The following KDELR2 variants were observed in gnomAD, a reference collection of about 807,000 sequenced individuals.
KDELR2 encodes KDEL endoplasmic reticulum protein retention receptor 2.
In KDELR2, 15 loss-of-function variants were observed where a neutral mutation model predicts 23.9. The ratio of observed to expected loss-of-function variants is 0.63; its 90% CI spans 0.42 to 0.97. The LOEUF is 0.97. Ranked by LOEUF, KDELR2 falls within the 50% of genes least tolerant of loss-of-function variation. The pLI is 0.00. For synonymous variants in KDELR2, 119 were observed against 106.2 expected (o/e 1.12, Z -0.74); for missense variants, 272 against 254.6 (o/e 1.07, Z -0.46).
chr7:6,464,631 G>A (rs1785461295), intron 4 of KDELR2, among the ~76,000 whole-genome samples: 1 of 152,062 alleles, frequency 6.6e-6, no homozygotes, highest in Non-Finnish European at 1.5e-5. Context: ...GGCAGAGGTT[G>A]CAGTGAGCTG....
In KDELR2 at chr7:6,462,379, CAGAT is replaced by C. The variant is rs1785407730; in HGVS notation, c.*758_*761del. On this transcript the variant is annotated 3_prime_UTR_variant, in exon 5 of 5. Transcript: ENST00000258739. ...ATGAACACCCCTCCCATCCCACACT[CAGAT>C]GGAAAGCAGCCAGAACCCCTGCCAC... is the stretch of plus-strand genomic sequence containing the variant. 6.5e-6 allele frequency: 1 copy of C among 152,752 alleles called. No homozygotes were observed. The highest frequency in any genetic ancestry group is 2.1e-4 in the South Asian group (1 of 4,846). 9.5% of individuals were successfully genotyped at this position (152,752 alleles called of 1,614,324 possible). A position where few individuals can be genotyped will look rare whatever the true frequency, so the allele number is the denominator to read the frequency against.
intron 2 of KDELR2, among the ~76,000 whole-genome samples, chr7:6,471,260 C>A (rs544155692): frequency 1.5e-4 from 19 of 127,530 alleles, no homozygotes; most frequent in Non-Finnish European, 2.7e-4. Flanking sequence ...CGGCTCACTG[C>A]AACCTCCGCC....
At chr7:6,482,626 T>C (rs1181763497) in intron 1 of KDELR2, 2 of 463,228 alleles carry the variant, frequency 4.3e-6, no homozygotes, top group South Asian at 1.6e-5. Flanking sequence ...AGTGTGACTT[T>C]AGACGCCAAA....
intron 2 of KDELR2, among the ~76,000 whole-genome samples, chr7:6,473,528 C>A (rs1274741722): frequency 2.0e-5 from 3 of 152,102 alleles, no homozygotes; most frequent in Non-Finnish European, 4.4e-5. Flanking sequence ...TAGTTATACA[C>A]TAGTTTTAAT....
chr7:6,472,059 C>A (rs1009133493), intron 2 of KDELR2, among the ~76,000 whole-genome samples: 1 of 152,274 alleles, frequency 6.6e-6, no homozygotes, highest in African/African-American at 2.4e-5. Flanking sequence ...TGCCGCCACA[C>A]CCAGCTAATT....
At chr7:6,482,580 C>T (rs971472228) in intron 1 of KDELR2, 6 of 470,652 alleles carry the variant, frequency 1.3e-5, no homozygotes, top group African/African-American at 1.2e-4. Flanking sequence ...TCCAAGGAGA[C>T]AGGCGAGGCC....
intron 1 of KDELR2, among the ~76,000 whole-genome samples, chr7:6,480,144 G>A (rs1253478099): frequency 2.0e-5 from 3 of 152,196 alleles, no homozygotes; most frequent in Non-Finnish European, 4.4e-5. Flanking sequence ...GCCCGGGGTC[G>A]TGGATCTCAG....
intron 2 of KDELR2, among the ~76,000 whole-genome samples, chr7:6,470,902 C>A (rs1785619323): frequency 6.6e-6 from 1 of 151,976 alleles, no homozygotes; most frequent in South Asian, 2.1e-4. Flanking sequence ...ATCATGAGGT[C>A]AGGAGATCGA....
At chr7:6,463,658 T>G (rs867430992) in intron 4 of KDELR2, among the ~76,000 whole-genome samples, 1 of 151,914 alleles carries the variant, frequency 6.6e-6, no homozygotes, top group South Asian at 2.1e-4. Flanking sequence ...GAGGATCACT[T>G]GAGCCCAGGA....
chr7:6,474,360 T>C (rs1354344376), intron 1 of KDELR2, 76 bp from the exon 2 acceptor site: 2 of 1,006,354 alleles, frequency 2.0e-6, no homozygotes, highest in Non-Finnish European at 1.6e-6. Context: ...GTGCAGGGAG[T>C]GCAGACAGGG....
At chr7:6,472,937 T>A (rs1203292979) in intron 2 of KDELR2, among the ~76,000 whole-genome samples, 1 of 146,842 alleles carries the variant, frequency 6.8e-6, no homozygotes, top group Non-Finnish European at 1.5e-5. Flanking sequence ...TCCTGCTCTG[T>A]CACCCAGGCT....
chr7:6,468,152 G>C (rs1785541340), intron 3 of KDELR2, among the ~76,000 whole-genome samples: 1 of 152,196 alleles, frequency 6.6e-6, no homozygotes, highest in Non-Finnish European at 1.5e-5. Flanking sequence ...ACAGTAAACT[G>C]TCAGCAGACA....
At chr7:6,469,141 A>G (rs1028346023) in intron 3 of KDELR2, among the ~76,000 whole-genome samples, 11 of 149,326 alleles carry the variant, frequency 7.4e-5, no homozygotes. Context: ...TTTAGTACAG[A>G]CGGGGTTTCA....
intron 4 of KDELR2, 107 bp from the exon 5 acceptor site, chr7:6,463,282 G>GT: frequency 1.2e-6 from 1 of 824,668 alleles, no homozygotes; most frequent in Non-Finnish European, 1.9e-6. Context: ...ATTCTACATA[G>GT]TAAGGTATAG....
In KDELR2 at chr7:6,464,787, G is replaced by C. The variant is rs529812136; in HGVS notation, c.604+1284C>G. 5.6e-5 allele frequency among the ~76,000 whole-genome samples: 8 copies of C among 143,778 alleles called. No individual in the cohort carries two copies. The South Asian group carries it at 1.7e-3, about 31-fold the overall frequency. 94.3% of individuals were successfully genotyped at this position (143,778 alleles called of 152,430 possible). Reference sequence around the variant, plus strand: ...TTTTGCTCTTGTTCCCTAGGCTGGAGTGCAATGGCGTGATATCAGCTCACT... The same window carrying C: ...TTTTGCTCTTGTTCCCTAGGCTGGACTGCAATGGCGTGATATCAGCTCACT... On this transcript the variant is annotated intron_variant, in intron 4 of 4. Transcript: ENST00000258739.
At chr7:6,464,141 G>A (rs1375705845) in intron 4 of KDELR2, among the ~76,000 whole-genome samples, 2 of 143,578 alleles carry the variant, frequency 1.4e-5, no homozygotes, top group Non-Finnish European at 3.0e-5. Flanking sequence ...AGGTTGCGGT[G>A]AGCCAAGATT....
At chr7:6,478,143 C>G (rs1274512327) in intron 1 of KDELR2, among the ~76,000 whole-genome samples, 1 of 151,638 alleles carries the variant, frequency 6.6e-6, no homozygotes, top group Non-Finnish European at 1.5e-5. Context: ...GTTCTTTTTT[C>G]TTTGCTTGCC....
intron 2 of KDELR2, among the ~76,000 whole-genome samples, chr7:6,473,562 A>G (rs151107389): frequency 6.6e-5 from 10 of 152,344 alleles, no homozygotes; most frequent in Admixed American, 5.9e-4. Flanking sequence ...AATATAAGAA[A>G]GACAACAAAG....
chr7:6,467,914 A>C (rs1785536861), intron 3 of KDELR2, among the ~76,000 whole-genome samples: 1 of 152,188 alleles, frequency 6.6e-6, no homozygotes, highest in Non-Finnish European at 1.5e-5. Context: ...GCACAGTACT[A>C]GGGGCACCAC....
Sources: gnomAD v4.1 joint callset for allele counts (sites outside exome capture counted in the v4.1 genomes callset) on GRCh38, gnomAD v4.1.1 for gene constraint, MANE v1.5 for transcripts, NCBI Gene and HGNC (gene_info 2026-07-23, HGNC 2026-07-21) for gene names.